RBFOX1: variants seen among roughly 807,000 people sequenced by gnomAD.
The protein encoded by RBFOX1 is RNA binding protein fox-1 homolog 1.
Under a neutral mutation model 57.7 loss-of-function variants are expected in RBFOX1, and 8 were observed. That is an observed-to-expected ratio of 0.14 (90% CI 0.08 to 0.25). RBFOX1 has a LOEUF of 0.25. RBFOX1 is among the 10% of genes least tolerant of loss of function. RBFOX1 has a pLI of 1.00. For synonymous variants in RBFOX1, 326 were observed against 222.4 expected (o/e 1.47, Z -4.15); for missense variants, 611 against 548.5 (o/e 1.11, Z -1.14).
chr16:6,796,905 C>T (rs116095843), intron 3 of RBFOX1, among the ~76,000 whole-genome samples: 3,578 of 152,226 alleles, frequency 0.024, 73 homozygotes, highest in African/African-American at 0.046. Context: ...CCTATGTCTC[C>T]ACCCCCTTTC....
intron 4 of RBFOX1, among the ~76,000 whole-genome samples, chr16:7,221,367 T>TTTA (rs79065821): frequency 0.27 from 29,554 of 109,378 alleles, 3,738 homozygotes; most frequent in East Asian, 0.48. Context: ...TTATTTATTT[T>TTTA]TTTATTTATT....
At position 5,639,479 on chromosome 16, in the gene RBFOX1, C is replaced by T. The variant is rs752811421; in HGVS notation, c.318+40518C>T. The stretch of plus-strand genomic sequence containing the variant: ...CTTCTTTTGGAAAGTGAGAAGGCCT[C>T]GGAACACTGGGTCCATGTTCCTACA... On this transcript the variant is annotated intron_variant, in intron 3 of 19. Transcript: ENST00000641259. Among the ~76,000 whole-genome samples the T allele has an allele frequency of 5.4e-4, 82 of 152,296 alleles. 1 individual carries two copies. Among genetic ancestry groups the T allele is most frequent in the Non-Finnish European group, 7.2e-4 (49 of 68,028 alleles).
At chr16:5,645,939 G>T (rs1309530709) in intron 3 of RBFOX1, among the ~76,000 whole-genome samples, 4 of 152,072 alleles carry the variant, frequency 2.6e-5, no homozygotes, top group Admixed American at 2.6e-4. Context: ...GGGCTCAAGT[G>T]ATTTTCCTGC....
chr16:6,422,428 T>C (rs1395778705), intron 2 of RBFOX1, among the ~76,000 whole-genome samples: 1 of 152,088 alleles, frequency 6.6e-6, no homozygotes, highest in Non-Finnish European at 1.5e-5. Flanking sequence ...CCCCCTTGTC[T>C]ATTGTTCCCA....
intron 2 of RBFOX1, among the ~76,000 whole-genome samples, chr16:6,568,061 G>C (rs762448133): frequency 6.6e-6 from 1 of 152,156 alleles, no homozygotes; most frequent in Non-Finnish European, 1.5e-5. Context: ...GCCTGAAGTG[G>C]TCCACTATTT....
intron 2 of RBFOX1, among the ~76,000 whole-genome samples, chr16:6,347,562 T>A (rs1308774537): frequency 6.6e-6 from 1 of 152,232 alleles, no homozygotes. Flanking sequence ...AGAGAGGCTT[T>A]GCATCTTGCA....
chr16:7,327,152 A>G (rs2096622171), intron 4 of RBFOX1, among the ~76,000 whole-genome samples: 1 of 152,212 alleles, frequency 6.6e-6, no homozygotes, highest in Non-Finnish European at 1.5e-5. Context: ...ACTTTGCAGA[A>G]GCTGTCATGG....
intron 1 of RBFOX1, among the ~76,000 whole-genome samples, chr16:6,070,769 C>A (rs534235221): frequency 1.3e-5 from 2 of 151,894 alleles, no homozygotes; most frequent in Non-Finnish European, 2.9e-5. Context: ...CCTCTAGTTT[C>A]CCCAAGAAGT....
At chr16:7,327,689 G>A (rs2096628861) in intron 4 of RBFOX1, among the ~76,000 whole-genome samples, 1 of 152,164 alleles carries the variant, frequency 6.6e-6, no homozygotes, top group Non-Finnish European at 1.5e-5. Context: ...GGGAGAGGCA[G>A]CTTTTTCGCA....
intron 3 of RBFOX1, among the ~76,000 whole-genome samples, chr16:6,894,071 A>G (rs933885100): frequency 7.2e-5 from 11 of 152,124 alleles, no homozygotes; most frequent in African/African-American, 2.7e-4. Context: ...GGATCAATAG[A>G]TAGATACTGG....
At chr16:5,288,776 T>C (rs527403445) in intron 1 of RBFOX1, among the ~76,000 whole-genome samples, 2 of 152,132 alleles carry the variant, frequency 1.3e-5, no homozygotes, top group East Asian at 3.9e-4. Context: ...CTTATGCTGT[T>C]AAGAAAACCC....
chr16:6,244,142 A>G (rs2097555796), intron 1 of RBFOX1, among the ~76,000 whole-genome samples: 2 of 151,986 alleles, frequency 1.3e-5, no homozygotes, highest in African/African-American at 4.8e-5. Context: ...AATACAGTCT[A>G]TCACTCCATT....
intron 2 of RBFOX1, among the ~76,000 whole-genome samples, chr16:6,496,631 C>T (rs769780124): frequency 6.6e-6 from 1 of 152,124 alleles, no homozygotes; most frequent in African/African-American, 2.4e-5. Flanking sequence ...AGCGAAGACA[C>T]CAATGCTCTT....
chr16:5,800,388 G>T (rs1291335456), intron 3 of RBFOX1, among the ~76,000 whole-genome samples: 2 of 152,158 alleles, frequency 1.3e-5, no homozygotes, highest in African/African-American at 4.8e-5. Flanking sequence ...GGGACATCCT[G>T]TGACCAGGAC....
intron 3 of RBFOX1, among the ~76,000 whole-genome samples, chr16:5,846,689 T>G (rs1341493993): frequency 2.0e-5 from 3 of 152,154 alleles, no homozygotes; most frequent in Admixed American, 6.5e-5. Context: ...TCCAGCTGGT[T>G]CTTATTATTT....
chr16:5,503,509 T>C (rs2043272514), intron 2 of RBFOX1, among the ~76,000 whole-genome samples: 1 of 152,250 alleles, frequency 6.6e-6, no homozygotes, highest in Non-Finnish European at 1.5e-5. Flanking sequence ...CATGGCGCAA[T>C]CACGGCTCAC....
intron 2 of RBFOX1, among the ~76,000 whole-genome samples, chr16:6,540,495 C>G (rs960432614): frequency 1.3e-5 from 2 of 151,266 alleles, no homozygotes; most frequent in African/African-American, 4.9e-5. Flanking sequence ...GCATGTAGTC[C>G]TAGCTACTCA....
intron 3 of RBFOX1, among the ~76,000 whole-genome samples, chr16:6,739,261 A>T (rs1372630186): frequency 6.6e-6 from 1 of 152,080 alleles, no homozygotes; most frequent in African/African-American, 2.4e-5. Context: ...GAAGGGAATA[A>T]TTACCCATAT....
chr16:6,951,772 C>A (rs370544709), intron 3 of RBFOX1, among the ~76,000 whole-genome samples: 2 of 152,042 alleles, frequency 1.3e-5, no homozygotes, highest in Admixed American at 6.6e-5. Context: ...CTCGCTCTTT[C>A]GCCCAGACTG....
Sources: allele counts gnomAD v4.1 joint callset (sites outside exome capture counted in the v4.1 genomes callset), GRCh38; gene constraint gnomAD v4.1.1; transcripts MANE v1.5; gene names NCBI Gene and HGNC (gene_info 2026-07-23, HGNC 2026-07-21).